The following WWOX variants were observed in gnomAD, a reference collection of about 807,000 sequenced individuals.
The protein encoded by WWOX is WW domain containing oxidoreductase.
A neutral mutation model predicts 46.2 loss-of-function variants in WWOX; 69 were observed. The ratio of observed to expected loss-of-function variants is 1.49; its 90% CI spans 1.23 to 1.82. The LOEUF is 1.82. Among genes scored for constraint, WWOX ranks in the 40% most tolerant of loss-of-function variants. The pLI, the probability that WWOX is intolerant of heterozygous loss-of-function variation, is 0.00. For missense variants in WWOX, 919 were observed against 542.6 expected (o/e 1.69, Z -6.89); for synonymous variants, 359 against 202.6 (o/e 1.77, Z -6.56).
intron 8 of WWOX, among the ~76,000 whole-genome samples, chr16:79,162,015 C>G (rs533644670): frequency 2.0e-5 from 3 of 152,318 alleles, no homozygotes; most frequent in Admixed American, 1.3e-4. Context: ...ACCAGGACAC[C>G]TGTCTCCCAG....
At chr16:78,529,577 C>T (rs1395605330) in intron 8 of WWOX, among the ~76,000 whole-genome samples, 1 of 152,170 alleles carries the variant, frequency 6.6e-6, no homozygotes, top group Non-Finnish European at 1.5e-5. Flanking sequence ...AGCGATTCTT[C>T]TGCCTCAGCC....
intron 8 of WWOX, among the ~76,000 whole-genome samples, chr16:78,450,095 A>G (rs2083657377): frequency 6.6e-6 from 1 of 152,136 alleles, no homozygotes; most frequent in African/African-American, 2.4e-5. Context: ...TTTGAATACT[A>G]AAGTATAGTT....
intron 8 of WWOX, among the ~76,000 whole-genome samples, chr16:78,762,551 G>A (rs568531913): frequency 6.6e-6 from 1 of 152,338 alleles, no homozygotes; most frequent in South Asian, 2.1e-4. Context: ...GCATAGGGCA[G>A]CACACTGCTG....
chr16:78,783,603 G>C (rs11864502), intron 8 of WWOX, among the ~76,000 whole-genome samples: 107,821 of 152,094 alleles, frequency 0.71, 38,620 homozygotes, highest in African/African-American at 0.79. Context: ...AGAGGAAGGA[G>C]TAATATTTGT....
At chr16:79,182,014 C>G (rs2050921965) in intron 8 of WWOX, among the ~76,000 whole-genome samples, 2 of 152,156 alleles carry the variant, frequency 1.3e-5, no homozygotes, top group Non-Finnish European at 2.9e-5. Context: ...TTTGTGGATT[C>G]TGCAGCAGAC....
intron 8 of WWOX, among the ~76,000 whole-genome samples, chr16:78,648,996 G>A (rs972711827): frequency 2.0e-5 from 3 of 151,822 alleles, no homozygotes; most frequent in African/African-American, 7.3e-5. Context: ...TTTTTTGAGA[G>A]GGAGTCTCGC....
chr16:79,119,451 G>C (rs765835945), intron 8 of WWOX, among the ~76,000 whole-genome samples: 25 of 152,312 alleles, frequency 1.6e-4, no homozygotes, highest in African/African-American at 3.6e-4. Context: ...CTCAAAATCG[G>C]AGTGCCATCC....
intron 8 of WWOX, among the ~76,000 whole-genome samples, chr16:78,821,165 T>C (rs2051482756): frequency 6.6e-6 from 1 of 152,162 alleles, no homozygotes; most frequent in Non-Finnish European, 1.5e-5. Context: ...CTTTCTCCTA[T>C]TTGCCTTCTC....
intron 8 of WWOX, among the ~76,000 whole-genome samples, chr16:78,830,717 G>T (rs537479669): frequency 6.6e-6 from 1 of 151,686 alleles, no homozygotes; most frequent in Non-Finnish European, 1.5e-5. Context: ...TGTTCAGGTC[G>T]ATTTGGCCAA....
intron 4 of WWOX, among the ~76,000 whole-genome samples, chr16:78,141,598 T>G (rs2033990733): frequency 6.6e-6 from 1 of 152,088 alleles, no homozygotes; most frequent in Non-Finnish European, 1.5e-5. Context: ...TCCCTACACT[T>G]TATGGGAATT....
In WWOX at chr16:78,608,006, T is replaced by C. The variant is rs1307811463; in HGVS notation, c.1056+175254T>C. On this transcript the variant is annotated intron_variant, in intron 8 of 8. Transcript: ENST00000566780. ...TAAATACCTACAAAACATAATATTA[T>C]GTCACTAGTCAACCGCAACACAAAT... 4.6e-5 allele frequency among the ~76,000 whole-genome samples: 7 copies of C among 152,168 alleles called. No homozygotes were observed. The East Asian group carries it at 9.6e-4, about 21-fold the overall frequency.
At chr16:79,190,539 C>T (rs574689102) in intron 8 of WWOX, among the ~76,000 whole-genome samples, 1 of 152,288 alleles carries the variant, frequency 6.6e-6, no homozygotes, top group African/African-American at 2.4e-5. Flanking sequence ...AAATTCACTT[C>T]ACGTTTCCAA....
chr16:78,317,417 A>G (rs994187569), intron 5 of WWOX, among the ~76,000 whole-genome samples: 1 of 152,160 alleles, frequency 6.6e-6, no homozygotes, highest in African/African-American at 2.4e-5. Context: ...GATGCTGTCA[A>G]TCATCCTACA....
intron 8 of WWOX, among the ~76,000 whole-genome samples, chr16:78,538,195 T>G (rs1038204967): frequency 7.1e-6 from 1 of 139,884 alleles, no homozygotes; most frequent in East Asian, 2.1e-4. Context: ...GATTGTAATC[T>G]TTAATTAAGC....
At chr16:78,911,398 T>C (rs1210782349) in intron 8 of WWOX, among the ~76,000 whole-genome samples, 2 of 152,064 alleles carry the variant, frequency 1.3e-5, no homozygotes, top group African/African-American at 4.8e-5. Flanking sequence ...CTTTTCTTTT[T>C]CTTGATGGCC....
At chr16:78,468,889 G>C (rs1310674223) in intron 8 of WWOX, among the ~76,000 whole-genome samples, 2 of 152,114 alleles carry the variant, frequency 1.3e-5, no homozygotes, top group Non-Finnish European at 2.9e-5. Context: ...CATTTTAAAA[G>C]GTTTCCCTTT....
chr16:79,050,285 G>C (rs1160192707), intron 8 of WWOX, among the ~76,000 whole-genome samples: 5 of 152,168 alleles, frequency 3.3e-5, no homozygotes, highest in African/African-American at 1.2e-4. Context: ...CTTTGCATCA[G>C]CTGGGCTTTC....
chr16:78,449,935 G>C lies in WWOX; in HGVS notation c.1056+17183G>C, dbSNP rs971808749. Among the ~76,000 whole-genome samples the C allele has an allele frequency of 4.6e-5, 7 of 151,754 alleles. No individual in the cohort carries two copies. In the South Asian group the frequency reaches 1.5e-3, roughly 32 times the overall value. ...TAAGCCATAAAGCTTGGTAAGGCTA[G>C]CCAATCATTTCAAAGCCTGTGTAGA... On this transcript the variant is annotated intron_variant, in intron 8 of 8. Coordinates refer to ENST00000566780, the MANE Select transcript of WWOX (RefSeq NM_016373.4).
intron 8 of WWOX, among the ~76,000 whole-genome samples, chr16:78,514,338 C>T (rs909231134): frequency 6.6e-6 from 1 of 152,184 alleles, no homozygotes; most frequent in Non-Finnish European, 1.5e-5. Context: ...TGTGCATGTA[C>T]AACTGCTTGA....
Sources: gnomAD v4.1 joint callset for allele counts (sites outside exome capture counted in the v4.1 genomes callset) on GRCh38, gnomAD v4.1.1 for gene constraint, MANE v1.5 for transcripts, NCBI Gene and HGNC (gene_info 2026-07-23, HGNC 2026-07-21) for gene names.